NDUFAF6: variants seen among roughly 807,000 people sequenced by gnomAD.
The protein encoded by NDUFAF6 is NADH:ubiquinone oxidoreductase complex assembly factor 6.
A neutral mutation model predicts 40.8 loss-of-function variants in NDUFAF6; 45 were observed. The ratio of observed to expected loss-of-function variants is 1.10; its 90% CI spans 0.87 to 1.42. NDUFAF6 has a LOEUF of 1.42. Among genes scored for constraint, NDUFAF6 ranks in the 40% most tolerant of loss-of-function variants. NDUFAF6 has a pLI of 0.00. For synonymous variants in NDUFAF6, 185 were observed against 155.9 expected, an observed-to-expected ratio of 1.19 and a Z score of -1.39; for missense variants, 435 against 418.5, an observed-to-expected ratio of 1.04 and a Z score of -0.34.
chr8:95,054,295 A>G (rs1367586318), intron 8 of NDUFAF6, among the ~76,000 whole-genome samples: 1 of 151,728 alleles, frequency 6.6e-6, no homozygotes, highest in Non-Finnish European at 1.5e-5. Context: ...AACTACTGTC[A>G]TAGACCAATG....
upstream of NDUFAF6, among the ~76,000 whole-genome samples, chr8:94,953,977 G>A (rs972429513): frequency 1.1e-4 from 16 of 151,986 alleles, no homozygotes; most frequent in Non-Finnish European, 2.2e-4. Context: ...ATCCTTTCGG[G>A]GCCTCTTTTC....
At position 95,032,103 on chromosome 8, in the gene NDUFAF6, T is replaced by TA; in HGVS notation, c.297+11dup. On this transcript the variant is annotated intron_variant, in intron 2 of 8. Coordinates refer to ENST00000396124, the MANE Select transcript of NDUFAF6 (RefSeq NM_152416.4). ...ATGTGGAACTGGCTCAGGCTGGTATTAAGATACCTTAAAATATTATTTGCG... is the reference window on the plus strand; with the variant it reads ...ATGTGGAACTGGCTCAGGCTGGTATTAAAGATACCTTAAAATATTATTTGCG... 1 of 1,605,482 alleles carries TA rather than the reference T, an allele frequency of 6.2e-7. No homozygotes were observed.
intron 2 of NDUFAF6, among the ~76,000 whole-genome samples, chr8:95,082,916 C>T (rs549277668): frequency 1.3e-5 from 2 of 152,258 alleles, no homozygotes; most frequent in South Asian, 4.1e-4. Flanking sequence ...GCCTCGGCCT[C>T]CCAAAGTGCT....
Position 95,048,467 on chromosome 8 carries a change from C to T in NDUFAF6, c.725C>T (p.Ser242Leu), listed in dbSNP as rs753297390. ...PMDICMLHGV[S>L]QEDFLRRNQD... is the part of the protein sequence containing the mutation. Reference sequence around the variant, plus strand: ...TATTTCCCCACACAGCATGGTGTTTCACAAGAGGACTTTCTACGGAGGAAC... The same window carrying T: ...TATTTCCCCACACAGCATGGTGTTTTACAAGAGGACTTTCTACGGAGGAAC... Residue 242 changes from serine to leucine, a missense_variant, in exon 7 of 9, where the codon TCA (serine) becomes TTA (leucine). Coordinates refer to ENST00000396124, the MANE Select transcript of NDUFAF6 (RefSeq NM_152416.4). 1.1e-5 allele frequency: 17 copies of T among 1,613,102 alleles called. No homozygotes were observed. In the Admixed American group the frequency reaches 2.7e-4, roughly 25 times the overall value.
In NDUFAF6 at chr8:94,904,320, C is replaced by CTTTTTTTTTT. The variant is rs57749627; in HGVS notation, c.-936+8421_-936+8430dup. On this transcript the variant is annotated intron_variant, in intron 1 of 14. Transcript: ENST00000396113. ...CATCACACCTGGCTAATTTTTTTTG[C>CTTTTTTTTTT]TTTTTTTTTTTTTTTTTTTTTTTTT... Among the ~76,000 whole-genome samples the CTTTTTTTTTT allele has an allele frequency of 9.7e-4, 33 of 34,136 alleles. 13 individuals carry two copies. Among genetic ancestry groups the CTTTTTTTTTT allele is most frequent in the African/African-American group, 3.8e-3 (25 of 6,578 alleles). 22.4% of individuals were successfully genotyped at this position (34,136 alleles called of 152,430 possible).
intron 1 of NDUFAF6, among the ~76,000 whole-genome samples, chr8:94,914,967 A>G (rs904188768): frequency 4.6e-5 from 7 of 152,088 alleles, no homozygotes; most frequent in African/African-American, 1.7e-4. Flanking sequence ...GGTTTGTTAC[A>G]TGGATATATT....
intron 2 of NDUFAF6, among the ~76,000 whole-genome samples, chr8:95,084,642 G>A (rs1358939375): frequency 6.6e-6 from 1 of 152,194 alleles, no homozygotes; most frequent in African/African-American, 2.4e-5. Context: ...ATGGCTTGGT[G>A]TGAATTCATT....
chr8:94,932,756 T>C lies in NDUFAF6; in HGVS notation c.-935-12727T>C, dbSNP rs575778882. Among the ~76,000 whole-genome samples the C allele has an allele frequency of 7.4e-4, 113 of 152,208 alleles. 1 individual carries two copies. Among genetic ancestry groups the C allele is most frequent in the Non-Finnish European group, 1.2e-3 (82 of 68,004 alleles). On this transcript the variant is annotated intron_variant, in intron 1 of 14. Coordinates refer to the NDUFAF6 transcript ENST00000396113. Reference sequence around the variant, plus strand: ...AGGCGGAGCTTGCAGTGAGCCGAGATAGCGCCACTGCACTCCAGCCTGGGC... The same window carrying C: ...AGGCGGAGCTTGCAGTGAGCCGAGACAGCGCCACTGCACTCCAGCCTGGGC...
At chr8:95,063,505 G>A (rs1233396822), downstream of NDUFAF6, among the ~76,000 whole-genome samples, 2 of 152,146 alleles carry the variant, frequency 1.3e-5, no homozygotes, top group African/African-American at 4.8e-5. Flanking sequence ...GCTGAGGTAG[G>A]AGAATCGCTT....
intron 7 of NDUFAF6, among the ~76,000 whole-genome samples, chr8:95,051,928 G>T (rs1831480223): frequency 6.6e-6 from 1 of 152,134 alleles, no homozygotes; most frequent in Admixed American, 6.5e-5. Context: ...ATTATTATGA[G>T]ATATTGTAAG....
chr8:94,898,543 A>G (rs1334635054), intron 1 of NDUFAF6, among the ~76,000 whole-genome samples: 2 of 152,212 alleles, frequency 1.3e-5, no homozygotes, highest in African/African-American at 2.4e-5. Context: ...TCATACCGAC[A>G]TCATGATTTA....
downstream of NDUFAF6, among the ~76,000 whole-genome samples, chr8:95,060,714 C>A (rs1029507330): frequency 6.6e-5 from 10 of 152,104 alleles, no homozygotes; most frequent in African/African-American, 2.4e-4. Flanking sequence ...AGTTCAATGC[C>A]AAAGCCCAAA....
chr8:94,923,810 G>A (rs1158764670), intron 1 of NDUFAF6, among the ~76,000 whole-genome samples: 1 of 150,498 alleles, frequency 6.6e-6, no homozygotes, highest in Non-Finnish European at 1.5e-5. Context: ...CTCCCAAGTG[G>A]CTGGGACTAC....
At position 95,058,604 on chromosome 8, in the gene NDUFAF6, G is replaced by A; in HGVS notation, c.*667G>A. 1.7e-6 allele frequency: 2 copies of A among 1,168,930 alleles called. No individual in the cohort carries two copies. Among genetic ancestry groups the A allele is most frequent in the Admixed American group, 4.6e-5 (1 of 21,766 alleles). 72.4% of individuals were successfully genotyped at this position (1,168,930 alleles called of 1,614,324 possible). On this transcript the variant is annotated 3_prime_UTR_variant, in exon 9 of 9. Coordinates refer to ENST00000396124, the MANE Select transcript of NDUFAF6 (RefSeq NM_152416.4). ...TTTGTTAATCCCACTTCCTCACTCT[G>A]TCATTCAGCATTATCATGATCGTGA...
chr8:94,936,704 T>C (rs1821009828), intron 1 of NDUFAF6, among the ~76,000 whole-genome samples: 1 of 151,990 alleles, frequency 6.6e-6, no homozygotes, highest in Admixed American at 6.5e-5. Flanking sequence ...TTGAGGGGTA[T>C]ATTAGGACAT....
Position 95,005,466 on chromosome 8 carries a change from T to C in NDUFAF6, c.-84+24493T>C, listed in dbSNP as rs188506337. ...AAGTTACAACTTGTGCCATCATTAT[T>C]CAACAGATTGGATTTTACTTTAGAA... On this transcript the variant is annotated intron_variant, in intron 2 of 9. Coordinates refer to the NDUFAF6 transcript ENST00000396111. Among the ~76,000 whole-genome samples, 22 of 148,038 alleles carry C rather than the reference T, an allele frequency of 1.5e-4. No homozygotes were observed. The East Asian group carries it at 4.2e-3, about 28-fold the overall frequency.
rs575442756 is a variant in NDUFAF6, at chr8:95,034,027, T to C, written c.298-1427T>C. The stretch of plus-strand genomic sequence containing the variant: ...TGAAAGGATTACTCTTGCTGCTGTC[T>C]TGCTGTACTGTATGCCACTGGGATC... On this transcript the variant is annotated intron_variant, in intron 2 of 8. Coordinates refer to ENST00000396124, the MANE Select transcript of NDUFAF6 (RefSeq NM_152416.4). 32 of 457,854 alleles carry C rather than the reference T, an allele frequency of 7.0e-5. 1 individual carries two copies. Among genetic ancestry groups the C allele is most frequent in the South Asian group, 5.0e-4 (32 of 64,564 alleles). 28.4% of individuals were successfully genotyped at this position (457,854 alleles called of 1,614,324 possible). A position where few individuals can be genotyped will look rare whatever the true frequency, so the allele number is the denominator to read the frequency against.
intron 2 of NDUFAF6, among the ~76,000 whole-genome samples, chr8:95,101,404 T>A (rs1809641793): frequency 6.6e-6 from 1 of 152,186 alleles, no homozygotes; most frequent in Non-Finnish European, 1.5e-5. Flanking sequence ...TTCCACAACA[T>A]ACCTGAGAGT....
chr8:94,971,277 G>A (rs1431239691), intron 1 of NDUFAF6, among the ~76,000 whole-genome samples: 1 of 152,218 alleles, frequency 6.6e-6, no homozygotes, highest in Non-Finnish European at 1.5e-5. Context: ...CAGTGCTAGA[G>A]TAAAGATGGC....
Sources: gnomAD v4.1 joint callset for allele counts (sites outside exome capture counted in the v4.1 genomes callset) on GRCh38, gnomAD v4.1.1 for gene constraint, MANE v1.5 for transcripts, NCBI Gene and HGNC (gene_info 2026-07-23, HGNC 2026-07-21) for gene names.